Variants in DTNA observed in about 807,000 individuals in gnomAD.
DTNA encodes the protein dystrophin-related protein 3.
A neutral mutation model predicts 100.7 loss-of-function variants in DTNA; 43 were observed. The ratio of observed to expected loss-of-function variants is 0.43; its 90% CI spans 0.33 to 0.55. The LOEUF is 0.55. Ranked by LOEUF, DTNA falls within the 20% of genes least tolerant of loss-of-function variation. DTNA has a pLI of 0.04. For synonymous variants in DTNA, 349 were observed against 347.9 expected (o/e 1.00, Z -0.04); for missense variants, 798 against 953.9 (o/e 0.84, Z 2.15).
At chr18:34,856,543 G>C (rs1334209099) in intron 15 of DTNA, among the ~76,000 whole-genome samples, 3 of 152,176 alleles carry the variant, frequency 2.0e-5, no homozygotes, top group Non-Finnish European at 1.5e-5. Context: ...GTCTTGGCTA[G>C]ACCTAGCAAA....
At chr18:34,811,808 A>G in intron 5 of DTNA, 151 bp from the exon 6 acceptor site, 3 of 891,756 alleles carry the variant, frequency 3.4e-6, no homozygotes, top group Non-Finnish European at 5.2e-6. Flanking sequence ...TTATGCCAGG[A>G]ATATTTCAGC....
intron 1 of DTNA, among the ~76,000 whole-genome samples, chr18:34,598,598 T>C (rs12955709): frequency 0.082 from 12,453 of 152,164 alleles, 647 homozygotes; most frequent in African/African-American, 0.13. Flanking sequence ...GGCGCATTGG[T>C]TCACGCCTGT....
At chr18:34,717,914 T>C (rs2084380038) in intron 1 of DTNA, among the ~76,000 whole-genome samples, 1 of 152,098 alleles carries the variant, frequency 6.6e-6, no homozygotes, top group Non-Finnish European at 1.5e-5. Flanking sequence ...TAGACAGAAA[T>C]GAGTCCAGAA....
intron 1 of DTNA, among the ~76,000 whole-genome samples, chr18:34,704,865 T>G (rs1204274785): frequency 6.6e-6 from 1 of 152,214 alleles, no homozygotes; most frequent in East Asian, 1.9e-4. Flanking sequence ...ACAGGTAGAC[T>G]TAATTTTCAG....
At chr18:34,786,320 G>C (rs2094506130) in intron 3 of DTNA, among the ~76,000 whole-genome samples, 1 of 152,166 alleles carries the variant, frequency 6.6e-6, no homozygotes, top group Admixed American at 6.5e-5. Context: ...TTCAAACCCG[G>C]TGTGTAAACT....
chr18:34,844,044 T>C (rs2096326488), intron 13 of DTNA, among the ~76,000 whole-genome samples: 3 of 152,148 alleles, frequency 2.0e-5, no homozygotes, highest in Admixed American at 6.6e-5. Flanking sequence ...AGAACTGGAC[T>C]TCTGAGAAAG....
intron 1 of DTNA, among the ~76,000 whole-genome samples, chr18:34,554,622 A>G (rs1443252852): frequency 6.6e-6 from 1 of 151,626 alleles, no homozygotes; most frequent in Non-Finnish European, 1.5e-5. Context: ...CTCTGCATCT[A>G]TTGAGATAAT....
intron 1 of DTNA, among the ~76,000 whole-genome samples, chr18:34,579,612 G>A (rs2048428483): frequency 6.6e-6 from 1 of 152,116 alleles, no homozygotes; most frequent in Admixed American, 6.5e-5. Context: ...TCGTCTTAAG[G>A]CAGTCAATAT....
intron 1 of DTNA, among the ~76,000 whole-genome samples, chr18:34,677,579 T>C (rs2077543362): frequency 6.6e-6 from 1 of 152,170 alleles, no homozygotes. Flanking sequence ...GCGATTTTCA[T>C]TTATTTCCAG....
Position 34,496,513 on chromosome 18 carries a change from A to G in DTNA, c.-2+2999A>G, listed in dbSNP as rs144132268. On this transcript the variant is annotated intron_variant, in intron 1 of 19. Coordinates refer to the DTNA transcript ENST00000283365. ...TTTTATCTCACTTGGTAGTTTTGAC[A>G]TGACCTTTTCCTTTCAAGTCCCACA... 3.0e-3 allele frequency among the ~76,000 whole-genome samples: 452 copies of G among 152,220 alleles called. 2 individuals are homozygous for G. The highest frequency in any genetic ancestry group is 0.01 in the African/African-American group (436 of 41,530).
intron 1 of DTNA, among the ~76,000 whole-genome samples, chr18:34,646,590 CG>C (rs1221947270): frequency 6.6e-6 from 1 of 152,156 alleles, no homozygotes; most frequent in Non-Finnish European, 1.5e-5. Flanking sequence ...AATATGACAT[CG>C]GAAGTACCAA....
intron 1 of DTNA, among the ~76,000 whole-genome samples, chr18:34,621,209 C>T (rs888621792): frequency 3.4e-5 from 5 of 147,718 alleles, no homozygotes; most frequent in Non-Finnish European, 4.5e-5. Context: ...AATATATGTA[C>T]ATATTGTATA....
intron 1 of DTNA, among the ~76,000 whole-genome samples, chr18:34,561,320 G>A (rs1020033556): frequency 6.6e-6 from 1 of 152,078 alleles, no homozygotes; most frequent in African/African-American, 2.4e-5. Context: ...ATCATTGGGA[G>A]CCTTAAGAAT....
At chr18:34,737,449 A>G (rs1271438570) in intron 1 of DTNA, among the ~76,000 whole-genome samples, 1 of 152,206 alleles carries the variant, frequency 6.6e-6, no homozygotes, top group Non-Finnish European at 1.5e-5. Context: ...TACAAATGAA[A>G]GAGTTCTCTC....
At chr18:34,881,714 A>G (rs553587342) in intron 20 of DTNA, among the ~76,000 whole-genome samples, 1 of 152,240 alleles carries the variant, frequency 6.6e-6, no homozygotes, top group South Asian at 2.1e-4. Context: ...AACAAGAATA[A>G]AAAGAGCCCT....
intron 1 of DTNA, among the ~76,000 whole-genome samples, chr18:34,500,538 A>G (rs2039790353): frequency 6.6e-6 from 1 of 151,536 alleles, no homozygotes; most frequent in Non-Finnish European, 1.5e-5. Flanking sequence ...ATCTATGCCC[A>G]CTGCAACCTC....
At chr18:34,496,205 A>AAC (rs367764683) in intron 1 of DTNA, among the ~76,000 whole-genome samples, 8,776 of 138,498 alleles carry the variant, frequency 0.063, 299 homozygotes, top group African/African-American at 0.091. Context: ...CCCTCCCTGC[A>AAC]ACACACACAC....
intron 1 of DTNA, among the ~76,000 whole-genome samples, chr18:34,579,363 C>T (rs1455592058): frequency 6.6e-6 from 1 of 152,256 alleles, no homozygotes; most frequent in East Asian, 1.9e-4. Flanking sequence ...GTCTTTTATA[C>T]TTATCCAGAT....
Position 34,848,350 on chromosome 18 carries a change from T to G in DTNA, c.1401T>G (p.Tyr467Ter). The G allele has an allele frequency of 6.2e-7, 1 of 1,614,076 alleles. No homozygotes were observed. Among genetic ancestry groups the G allele is most frequent in the Non-Finnish European group, 8.5e-7 (1 of 1,179,962 alleles). ...LDEEHRLIAR[Y>*]AARLAAESSS... ...AAGAACACAGGCTAATTGCCAGGTA[T>G]GCGGCAAGGCTGGCAGCAGAGTCCT... Residue 467 changes from tyrosine to a stop codon, truncating the protein, a stop_gained, in exon 14 of 23, where the codon TAT (tyrosine) becomes TAG (stop). Coordinates refer to ENST00000444659, the MANE Select transcript of DTNA (RefSeq NM_001386795.1). LOFTEE classifies it high-confidence loss of function.
Sources: gnomAD v4.1 joint callset for allele counts (sites outside exome capture counted in the v4.1 genomes callset) on GRCh38, gnomAD v4.1.1 for gene constraint, MANE v1.5 for transcripts, NCBI Gene and HGNC (gene_info 2026-07-23, HGNC 2026-07-21) for gene names.